LIPA: variants seen among roughly 807,000 people sequenced by gnomAD.
LIPA encodes the protein lipase A, lysosomal acid type, also known as lysosomal acid lipase/cholesteryl ester hydrolase.
LIPA carries 26 observed loss-of-function variants against 40.6 expected under a neutral mutation model. That is an observed-to-expected ratio of 0.64 (90% CI 0.47 to 0.89). LIPA has a LOEUF of 0.89. LIPA is among the 40% of genes least tolerant of loss of function. The pLI, the probability that LIPA is intolerant of heterozygous loss-of-function variation, is 0.00. For missense variants in LIPA, 455 were observed against 479.6 expected (o/e 0.95, Z 0.48); for synonymous variants, 188 against 168.4 (o/e 1.12, Z -0.90).
chr10:89,328,379 A>G (rs575668102), intron 1 of LIPA, among the ~76,000 whole-genome samples: 2 of 152,324 alleles, frequency 1.3e-5, no homozygotes, highest in South Asian at 4.1e-4. Flanking sequence ...AATGAGAGGA[A>G]GGCTTGGCAG....
At chr10:89,258,377 A>G (rs973899061) in intron 1 of LIPA, among the ~76,000 whole-genome samples, 1 of 152,228 alleles carries the variant, frequency 6.6e-6, no homozygotes. Flanking sequence ...TTTGTCAAAG[A>G]TTGTTTAAAT....
At chr10:89,253,487 C>G (rs1843161000), upstream of LIPA, among the ~76,000 whole-genome samples, 1 of 152,218 alleles carries the variant, frequency 6.6e-6, no homozygotes. Context: ...ATTCAGTTAT[C>G]TCCCACCGGG....
chr10:89,388,767 T>C (rs1410648245), intron 2 of LIPA, among the ~76,000 whole-genome samples: 2 of 150,628 alleles, frequency 1.3e-5, no homozygotes, highest in East Asian at 1.9e-4. Context: ...CTTGTGTCTA[T>C]AGTTGTTTCA....
At chr10:89,220,035 C>T (rs1842677431) in intron 8 of LIPA, among the ~76,000 whole-genome samples, 1 of 152,212 alleles carries the variant, frequency 6.6e-6, no homozygotes, top group Non-Finnish European at 1.5e-5. Context: ...AGACCAGTAG[C>T]CTAGATGATA....
chr10:89,285,112 A>T (rs200921121), intron 1 of LIPA: 3,433 of 123,546 alleles, frequency 0.028, 5 homozygotes, highest in Non-Finnish European at 0.045. Context: ...CATGGACGCG[A>T]GTGACATTTG....
At chr10:89,328,095 T>C (rs1336222357) in intron 1 of LIPA, 1 of 1,613,264 alleles carries the variant, frequency 6.2e-7, no homozygotes, top group Non-Finnish European at 8.5e-7. Flanking sequence ...GAAATAAGAA[T>C]GCATAATCAT....
chr10:89,253,198 C>G (rs553475732), upstream of LIPA, among the ~76,000 whole-genome samples: 1 of 152,266 alleles, frequency 6.6e-6, no homozygotes, highest in East Asian at 1.9e-4. Flanking sequence ...ACTACAGAAG[C>G]AGGGAGACTA....
chr10:89,292,388 G>A (rs577349546), intron 1 of LIPA: 17 of 152,282 alleles, frequency 1.1e-4, no homozygotes, highest in African/African-American at 3.6e-4. Flanking sequence ...AGAAAAAAAG[G>A]ATCTGAAATA....
At chr10:89,220,391 G>A (rs1299103179) in intron 8 of LIPA, among the ~76,000 whole-genome samples, 1 of 152,114 alleles carries the variant, frequency 6.6e-6, no homozygotes, top group African/African-American at 2.4e-5. Flanking sequence ...GAGGTCCTAG[G>A]CATCCTCAAA....
chr10:89,225,994 CTCTTTT>C (rs1842765427), intron 5 of LIPA, among the ~76,000 whole-genome samples: 1 of 152,136 alleles, frequency 6.6e-6, no homozygotes, highest in Non-Finnish European at 1.5e-5. Flanking sequence ...TCCATTAAAC[CTCTTTT>C]TCTTTATAAA....
At chr10:89,219,784 A>G (rs1362152498) in intron 8 of LIPA, among the ~76,000 whole-genome samples, 1 of 152,254 alleles carries the variant, frequency 6.6e-6, no homozygotes, top group African/African-American at 2.4e-5. Flanking sequence ...GGAAGATCCG[A>G]TACAATGGCT....
chr10:89,340,030 T>C (rs1432377180), intron 1 of LIPA: 1 of 1,614,208 alleles, frequency 6.2e-7, no homozygotes, highest in Non-Finnish European at 8.5e-7. Context: ...TATTTTCCTG[T>C]CAGCATCTGA....
intron 2 of LIPA, chr10:89,384,559 G>GA: frequency 6.2e-7 from 1 of 1,614,154 alleles, no homozygotes; most frequent in Non-Finnish European, 8.5e-7. Context: ...CCATTCCAGG[G>GA]AAAAACTTCT....
At chr10:89,278,781 T>C (rs893752800) in intron 1 of LIPA, among the ~76,000 whole-genome samples, 3 of 151,814 alleles carry the variant, frequency 2.0e-5, no homozygotes, top group African/African-American at 7.3e-5. Context: ...AAATATATAT[T>C]ACTTACATAT....
At chr10:89,383,459 A>G (rs1260811370) in intron 2 of LIPA, 1 of 1,614,230 alleles carries the variant, frequency 6.2e-7, no homozygotes. Context: ...CTGGACACCA[A>G]ATACAATGTG....
chr10:89,249,891 T>A (rs904757502), intron 1 of LIPA, among the ~76,000 whole-genome samples: 16 of 152,182 alleles, frequency 1.1e-4, no homozygotes, highest in African/African-American at 3.9e-4. Context: ...CTATTGTATG[T>A]CAATAATACT....
intron 2 of LIPA, chr10:89,402,454 A>G: frequency 6.2e-7 from 1 of 1,614,236 alleles, no homozygotes; most frequent in Non-Finnish European, 8.5e-7. Context: ...CTACTAGCCT[A>G]TGTGAAACAC....
chr10:89,357,887 A>G (rs1843996573), intron 2 of LIPA, among the ~76,000 whole-genome samples: 1 of 152,244 alleles, frequency 6.6e-6, no homozygotes, highest in Non-Finnish European at 1.5e-5. Flanking sequence ...AACCAAAATT[A>G]AGGTATATCT....
At chr10:89,348,549 G>A (rs1374673556) in intron 2 of LIPA, among the ~76,000 whole-genome samples, 1 of 152,222 alleles carries the variant, frequency 6.6e-6, no homozygotes, top group Non-Finnish European at 1.5e-5. Flanking sequence ...AACACCCACA[G>A]TGGGGTTTTG....
Sources: gnomAD v4.1 joint callset for allele counts (sites outside exome capture counted in the v4.1 genomes callset) on GRCh38, gnomAD v4.1.1 for gene constraint, MANE v1.5 for transcripts, NCBI Gene and HGNC (gene_info 2026-07-23, HGNC 2026-07-21) for gene names.